The following TMEM150C variants were observed in gnomAD, a reference collection of about 807,000 sequenced individuals.
TMEM150C encodes the protein transmembrane protein 150C.
In TMEM150C, 10 loss-of-function variants were observed where a neutral mutation model predicts 29.9. The observed-to-expected ratio is 0.33, with a 90% confidence interval of 0.21 to 0.57. The LOEUF is 0.57. Among genes scored for constraint, TMEM150C ranks in the 20% least tolerant of loss-of-function variants. The probability of loss-of-function intolerance (pLI) is 0.88; values close to 1 mark genes in which losing one functional copy is unlikely to be tolerated. For synonymous variants in TMEM150C, 101 were observed against 112.5 expected, an observed-to-expected ratio of 0.90 and a Z score of 0.64; for missense variants, 251 against 303.6, an observed-to-expected ratio of 0.83 and a Z score of 1.29.
In TMEM150C at chr4:82,486,257, T is replaced by TA. The variant is rs928390636; in HGVS notation, c.542-539dup. 2.2e-4 allele frequency among the ~76,000 whole-genome samples: 29 copies of TA among 131,676 alleles called. 1 individual carries two copies. The highest frequency in any genetic ancestry group is 1.6e-3 in the South Asian group (7 of 4,300). The allele number at this position is 131,676 out of a possible 152,430, so 86.4% of individuals were successfully genotyped here. On this transcript the variant is annotated intron_variant, in intron 7 of 7. Transcript: ENST00000449862. ...GTTTGCCAGAAAAATTAAGCTATTTTAAAAAAAAATCACTGCAAATGGTGA... is the reference window on the plus strand; with the variant it reads ...GTTTGCCAGAAAAATTAAGCTATTTTAAAAAAAAAATCACTGCAAATGGTGA...
At chr4:82,523,318 G>A (rs1033282078) in intron 1 of TMEM150C, among the ~76,000 whole-genome samples, 3 of 152,132 alleles carry the variant, frequency 2.0e-5, no homozygotes, top group African/African-American at 4.8e-5. Context: ...TGGAGGAGGC[G>A]GTGTTTGATT....
chr4:82,521,705 C>G (rs1454060745), intron 1 of TMEM150C, among the ~76,000 whole-genome samples: 3 of 152,158 alleles, frequency 2.0e-5, no homozygotes, highest in Non-Finnish European at 4.4e-5. Context: ...GTGGAGAAGA[C>G]TCGGTGATGC....
At chr4:82,506,082 TG>T (rs368307032) in intron 1 of TMEM150C, among the ~76,000 whole-genome samples, 218 of 152,168 alleles carry the variant, frequency 1.4e-3, no homozygotes, top group African/African-American at 4.7e-3. Context: ...AACAAGTTGT[TG>T]TTTTTTTTTT....
intron 1 of TMEM150C, among the ~76,000 whole-genome samples, chr4:82,553,373 A>G (rs1431990388): frequency 6.6e-6 from 1 of 152,266 alleles, no homozygotes; most frequent in Non-Finnish European, 1.5e-5. Context: ...TTAAGGTACA[A>G]CATCAGAGTC....
At chr4:82,503,577 G>T (rs183606117) in intron 2 of TMEM150C, among the ~76,000 whole-genome samples, 1 of 152,168 alleles carries the variant, frequency 6.6e-6, no homozygotes, top group Non-Finnish European at 1.5e-5. Context: ...CAGGCCGGGC[G>T]CAGTGGCTCA....
chr4:82,542,866 G>A (rs750960526), intron 1 of TMEM150C, among the ~76,000 whole-genome samples: 51 of 152,142 alleles, frequency 3.4e-4, no homozygotes, highest in African/African-American at 1.1e-3. Context: ...AGTTAAGACC[G>A]GGAAAGACAC....
At chr4:82,522,231 G>A (rs996526332) in intron 1 of TMEM150C, among the ~76,000 whole-genome samples, 5 of 152,282 alleles carry the variant, frequency 3.3e-5, no homozygotes, top group African/African-American at 1.2e-4. Flanking sequence ...GTAAGATTGA[G>A]TGTGGCCAGT....
At chr4:82,505,927 T>C (rs984381876) in intron 1 of TMEM150C, among the ~76,000 whole-genome samples, 17 of 152,314 alleles carry the variant, frequency 1.1e-4, no homozygotes, top group Admixed American at 4.6e-4. Context: ...GATGCCAACA[T>C]AATCCTTATG....
intron 5 of TMEM150C, among the ~76,000 whole-genome samples, chr4:82,501,366 A>C (rs1723730918): frequency 6.6e-6 from 1 of 152,094 alleles, no homozygotes; most frequent in Non-Finnish European, 1.5e-5. Flanking sequence ...CCTGACTGCC[A>C]GGGGCATAAA....
intron 6 of TMEM150C, 92 bp from the exon 7 acceptor site, chr4:82,490,330 G>A: frequency 9.1e-7 from 1 of 1,100,512 alleles, no homozygotes; most frequent in South Asian, 1.4e-5. Flanking sequence ...GAAAAGATAG[G>A]AAAAGAAATA....
intron 1 of TMEM150C, among the ~76,000 whole-genome samples, chr4:82,552,187 C>T (rs1207829111): frequency 6.6e-6 from 1 of 152,218 alleles, no homozygotes; most frequent in Admixed American, 6.5e-5. Flanking sequence ...CTCGTACAGC[C>T]TGCAAAACTA....
At chr4:82,556,224 C>T (rs1332855167) in intron 1 of TMEM150C, among the ~76,000 whole-genome samples, 1 of 152,122 alleles carries the variant, frequency 6.6e-6, no homozygotes, top group African/African-American at 2.4e-5. Context: ...GTGATCCACC[C>T]GCCTTGGCCT....
chr4:82,553,929 A>G (rs983057991), intron 1 of TMEM150C, among the ~76,000 whole-genome samples: 2 of 152,216 alleles, frequency 1.3e-5, no homozygotes, highest in African/African-American at 4.8e-5. Context: ...ATATAAATCA[A>G]TTTTATGCCA....
chr4:82,553,460 C>T (rs1207593086), intron 1 of TMEM150C, among the ~76,000 whole-genome samples: 2 of 152,180 alleles, frequency 1.3e-5, no homozygotes, highest in South Asian at 2.1e-4. Flanking sequence ...AATGGAGTCT[C>T]ATCCTTCTGT....
chr4:82,526,016 C>G (rs1197719727), intron 1 of TMEM150C, among the ~76,000 whole-genome samples: 3 of 152,200 alleles, frequency 2.0e-5, no homozygotes, highest in Admixed American at 1.3e-4. Flanking sequence ...GTGATCCTCC[C>G]ACCTCAGCCT....
intron 1 of TMEM150C, among the ~76,000 whole-genome samples, chr4:82,507,648 G>C (rs1158996617): frequency 6.9e-6 from 1 of 145,684 alleles, no homozygotes; most frequent in African/African-American, 2.5e-5. Flanking sequence ...GCCTTGGCTT[G>C]ACAAGTTCAG....
intron 1 of TMEM150C, among the ~76,000 whole-genome samples, chr4:82,532,971 G>A (rs898481590): frequency 2.6e-5 from 4 of 152,034 alleles, no homozygotes; most frequent in Admixed American, 6.6e-5. Flanking sequence ...CTCGTGATCC[G>A]CCTGCCTTGG....
intron 1 of TMEM150C, among the ~76,000 whole-genome samples, chr4:82,555,291 A>G (rs1469215250): frequency 6.6e-6 from 1 of 152,204 alleles, no homozygotes; most frequent in Non-Finnish European, 1.5e-5. Flanking sequence ...TGTAGTAAAT[A>G]GTGGTAGATT....
intron 1 of TMEM150C, among the ~76,000 whole-genome samples, chr4:82,560,655 T>C (rs1425837701): frequency 6.6e-6 from 1 of 152,194 alleles, no homozygotes; most frequent in Non-Finnish European, 1.5e-5. Flanking sequence ...TTCCTTGAAA[T>C]AGGAAACTTT....
Sources: gnomAD v4.1 joint callset for allele counts (sites outside exome capture counted in the v4.1 genomes callset) on GRCh38, gnomAD v4.1.1 for gene constraint, MANE v1.5 for transcripts, NCBI Gene and HGNC (gene_info 2026-07-23, HGNC 2026-07-21) for gene names.